The following MEGF11 variants were observed in gnomAD, a reference collection of about 807,000 sequenced individuals.
MEGF11 encodes the protein multiple epidermal growth factor-like domains protein 11.
MEGF11 carries 126 observed loss-of-function variants against 146.6 expected under a neutral mutation model. That is an observed-to-expected ratio of 0.86 (90% CI 0.74 to 1.00). The LOEUF is 1.00. Among genes scored for constraint, MEGF11 ranks in the 50% least tolerant of loss-of-function variants. The pLI is 0.00. For missense variants in MEGF11, 1,509 were observed against 1,521.2 expected (o/e 0.99, Z 0.13); for synonymous variants, 532 against 583.4 (o/e 0.91, Z 1.27).
At chr15:66,107,460 C>T (rs1179835618) in intron 4 of MEGF11, among the ~76,000 whole-genome samples, 1 of 152,212 alleles carries the variant, frequency 6.6e-6, no homozygotes, top group East Asian at 1.9e-4. Context: ...CTCCGTCCCT[C>T]CCACGTCCCT....
chr15:66,130,663 A>AGGAG, intron 1 of MEGF11, among the ~76,000 whole-genome samples: 1 of 148,886 alleles, frequency 6.7e-6, no homozygotes, highest in Non-Finnish European at 1.5e-5. Context: ...ATAAAGAGAA[A>AGGAG]GGAAGGAAGG....
chr15:65,951,913 G>T (rs2080417272), intron 10 of MEGF11, among the ~76,000 whole-genome samples: 1 of 151,904 alleles, frequency 6.6e-6, no homozygotes, highest in African/African-American at 2.4e-5. Context: ...GATGCAGGAG[G>T]ATCACTTGAG....
intron 5 of MEGF11, among the ~76,000 whole-genome samples, chr15:66,090,161 C>T (rs573159688): frequency 6.6e-6 from 1 of 152,294 alleles, no homozygotes; most frequent in Non-Finnish European, 1.5e-5. Flanking sequence ...CCACCCAACC[C>T]CGGTACTACA....
intron 5 of MEGF11, among the ~76,000 whole-genome samples, chr15:66,023,667 C>T (rs1157833127): frequency 1.3e-5 from 2 of 152,228 alleles, no homozygotes. Context: ...GTGGGGTCGG[C>T]GTGCCCATGA....
At chr15:66,179,288 A>G (rs1319854524) in intron 1 of MEGF11, among the ~76,000 whole-genome samples, 1 of 152,036 alleles carries the variant, frequency 6.6e-6, no homozygotes, top group Middle Eastern at 3.2e-3. Flanking sequence ...ACACGCCCCC[A>G]CACCCAGCTA....
At chr15:66,083,750 C>T (rs2899711) in intron 5 of MEGF11, among the ~76,000 whole-genome samples, 80,590 of 151,712 alleles carry the variant, frequency 0.53, 22,052 homozygotes, top group Non-Finnish European at 0.59. Flanking sequence ...CCTGTATTTA[C>T]GAAAAAAATT....
chr15:66,249,177 G>C (rs557472768), intron 1 of MEGF11, among the ~76,000 whole-genome samples: 1 of 152,280 alleles, frequency 6.6e-6, no homozygotes, highest in African/African-American at 2.4e-5. Context: ...GTGAACCTGT[G>C]GTGTGGACTT....
chr15:66,083,972 C>G (rs2085998595), intron 5 of MEGF11, among the ~76,000 whole-genome samples: 1 of 152,112 alleles, frequency 6.6e-6, no homozygotes, highest in African/African-American at 2.4e-5. Flanking sequence ...AAAGGGAACT[C>G]AGAGAACAGG....
At chr15:66,073,532 TCGTCTCTTCTTTCC>T (rs2085455785) in intron 5 of MEGF11, among the ~76,000 whole-genome samples, 1 of 152,250 alleles carries the variant, frequency 6.6e-6, no homozygotes, top group Non-Finnish European at 1.5e-5. Flanking sequence ...AGCTGCTTCA[TCGTCTCTTCTTTCC>T]CATCTCCTTT....
chr15:66,009,542 G>A (rs1451853860), intron 5 of MEGF11, among the ~76,000 whole-genome samples: 1 of 151,970 alleles, frequency 6.6e-6, no homozygotes, highest in Non-Finnish European at 1.5e-5. Flanking sequence ...AAAAGCAGAG[G>A]CTGGGGCCAC....
At chr15:66,177,646 T>C (rs1011174814) in intron 1 of MEGF11, among the ~76,000 whole-genome samples, 6 of 151,880 alleles carry the variant, frequency 4.0e-5, no homozygotes, top group African/African-American at 1.5e-4. Flanking sequence ...CACAGCACCC[T>C]GTCTGCCCCC....
In MEGF11 at chr15:65,912,158, G is replaced by T; in HGVS notation, c.2753C>A (p.Ser918Tyr). The T allele has an allele frequency of 8.1e-7, 1 of 1,232,264 alleles. No homozygotes were observed. The highest frequency in any genetic ancestry group is 4.1e-5 in the South Asian group (1 of 24,316). 76.3% of individuals were successfully genotyped at this position (1,232,264 alleles called of 1,614,324 possible). Residue 918 changes from serine to tyrosine, a missense_variant, in exon 21 of 26, where the codon TCC becomes TAC. Physicochemically the swap from Ser to Tyr is moderately radical, Grantham distance 144. Coordinates refer to ENST00000395614, the MANE Select transcript of MEGF11 (RefSeq NM_001385028.1). ...CCCACATGCCAGTGCGTGGTAGCTG[G>T]AATTGGAAAAGCAGTGGGCATGGCT... The part of the protein sequence containing the change: ...SSSHAHCFSN[S>Y]SYHALACGGP...
chr15:65,899,821 G>A (rs977318644), intron 24 of MEGF11, among the ~76,000 whole-genome samples: 15 of 152,306 alleles, frequency 9.8e-5, no homozygotes, highest in African/African-American at 3.6e-4. Flanking sequence ...TAGAGCTCAT[G>A]CTTCCTTTCC....
At chr15:65,952,009 A>C (rs1456833186) in intron 10 of MEGF11, among the ~76,000 whole-genome samples, 1 of 152,194 alleles carries the variant, frequency 6.6e-6, no homozygotes, top group African/African-American at 2.4e-5. Flanking sequence ...CTCTAAAAAA[A>C]ATTTTTTTTA....
intron 5 of MEGF11, among the ~76,000 whole-genome samples, chr15:66,068,511 T>G (rs2085234498): frequency 6.6e-6 from 1 of 152,142 alleles, no homozygotes; most frequent in African/African-American, 2.4e-5. Context: ...GTACCTAATT[T>G]GAAAAATGAG....
At chr15:66,203,066 G>A (rs1210994043) in intron 1 of MEGF11, among the ~76,000 whole-genome samples, 2 of 152,160 alleles carry the variant, frequency 1.3e-5, no homozygotes, top group African/African-American at 4.8e-5. Context: ...GAGGAGAGGA[G>A]TTTCCAGATC....
chr15:66,031,146 C>T (rs1194847405), intron 5 of MEGF11, among the ~76,000 whole-genome samples: 1 of 152,142 alleles, frequency 6.6e-6, no homozygotes, highest in African/African-American at 2.4e-5. Flanking sequence ...GTCTTAGAAG[C>T]CTCTTTTGAT....
intron 13 of MEGF11, among the ~76,000 whole-genome samples, chr15:65,924,114 C>G (rs1173312159): frequency 6.6e-6 from 1 of 150,906 alleles, no homozygotes; most frequent in Non-Finnish European, 1.5e-5. Flanking sequence ...CTACCAGCAG[C>G]AGGAGAGCAG....
At chr15:66,023,512 C>A (rs902323199) in intron 5 of MEGF11, among the ~76,000 whole-genome samples, 1 of 152,224 alleles carries the variant, frequency 6.6e-6, no homozygotes, top group Non-Finnish European at 1.5e-5. Context: ...CCAGGGAACA[C>A]AAGGCATCTG....
Sources: allele counts gnomAD v4.1 joint callset (sites outside exome capture counted in the v4.1 genomes callset), GRCh38; gene constraint gnomAD v4.1.1; transcripts MANE v1.5; gene names NCBI Gene and HGNC (gene_info 2026-07-23, HGNC 2026-07-21).